ACIN1: variants seen among roughly 807,000 people sequenced by gnomAD.
ACIN1 encodes apoptotic chromatin condensation inducer in the nucleus.
In ACIN1, 16 loss-of-function variants were observed where a neutral mutation model predicts 146.6. The ratio of observed to expected loss-of-function variants is 0.11; its 90% CI spans 0.07 to 0.17. The LOEUF (loss-of-function observed/expected upper bound fraction) is 0.17, where lower values mean the gene tolerates loss of function less well. Among genes scored for constraint, ACIN1 ranks in the 10% least tolerant of loss-of-function variants. The probability of loss-of-function intolerance (pLI) is 1.00; values close to 1 mark genes in which losing one functional copy is unlikely to be tolerated. For synonymous variants in ACIN1, 569 were observed against 582.7 expected (o/e 0.98, Z 0.34); for missense variants, 1,357 against 1,609.3 (o/e 0.84, Z 2.68).
chr14:23,062,106 G>C (rs1337780047), intron 16 of ACIN1, 62 bp downstream of exon 16: 1 of 1,379,494 alleles, frequency 7.2e-7, no homozygotes, highest in African/African-American at 1.4e-5. Flanking sequence ...GATCTCAGCT[G>C]AAATCTAGCA....
intron 10 of ACIN1, among the ~76,000 whole-genome samples, chr14:23,065,122 A>T (rs1013756881): frequency 1.3e-5 from 2 of 152,194 alleles, no homozygotes; most frequent in African/African-American, 4.8e-5. Context: ...GGCAGAACTA[A>T]GATCATGATG....
chr14:23,094,893 G>C, intron 1 of ACIN1, 82 bp downstream of exon 1: 1 of 1,497,028 alleles, frequency 6.7e-7, no homozygotes, highest in South Asian at 1.3e-5. Context: ...GCCGAGCCCG[G>C]ATACTGCGCC....
chr14:23,080,176 C>T lies in ACIN1; in HGVS notation c.1159G>A (p.Ala387Thr), dbSNP rs1332446275. 1.2e-6 allele frequency: 2 copies of T among 1,614,138 alleles called. No homozygotes were observed. The highest frequency in any genetic ancestry group is 1.3e-5 in the African/African-American group (1 of 75,034). Reference protein sequence around the residue: ...EEEIEPMEGPAPAVLIQLSPP... With the variant: ...EEEIEPMEGPTPAVLIQLSPP... Reference sequence around the variant, plus strand: ...GATAACTGAATGAGGACAGCGGGGGCTGGGCCTTCCATGGGCTCTATTTCT... The same window carrying T: ...GATAACTGAATGAGGACAGCGGGGGTTGGGCCTTCCATGGGCTCTATTTCT... The change falls in exon 6 of 19, where the codon GCC becomes ACC. Residue 387 changes from alanine (A) to threonine (T), a missense_variant. Around this residue, in one of 4 missense-constraint regions of ACIN1, gnomAD observed 771 missense variants for 746.6 expected, o/e 1.03. Transcript: ENST00000605057.
At chr14:23,087,425 T>C (rs2048115807) in intron 4 of ACIN1, among the ~76,000 whole-genome samples, 1 of 151,474 alleles carries the variant, frequency 6.6e-6, no homozygotes, top group Non-Finnish European at 1.5e-5. Flanking sequence ...ATTCATATTT[T>C]CCAATTTATT....
chr14:23,064,640 T>C, intron 10 of ACIN1, 152 bp from the exon 11 acceptor site: 3 of 1,123,352 alleles, frequency 2.7e-6, no homozygotes, highest in African/African-American at 1.6e-5. Context: ...GGCTCACACC[T>C]GTAATCCCAG....
intron 18 of ACIN1, among the ~76,000 whole-genome samples, 180 bp from the exon 19 acceptor site, chr14:23,059,654 T>C (rs920191836): frequency 2.7e-3 from 142 of 52,632 alleles, no homozygotes; most frequent in African/African-American, 0.018. Flanking sequence ...AGTTTCAGCC[T>C]TTTTTTTTTT....
In ACIN1 at chr14:23,062,224, T is replaced by G. The variant is rs1299702397; in HGVS notation, c.3043A>C (p.Lys1015Gln). The G allele has an allele frequency of 1.2e-6, 2 of 1,614,116 alleles. No homozygotes were observed. Among genetic ancestry groups the G allele is most frequent in the Non-Finnish European group, 1.7e-6 (2 of 1,180,024 alleles). ...VATRTALHGV[K>Q]WPQSNPKFLC... ...AATTTGGGATTGGACTGGGGCCATT[T>G]GACCCCGTGCAGAGCTGTGCGGGTG... is the stretch of plus-strand genomic sequence containing the variant. The change falls in exon 16 of 19, where the codon AAA (lysine) becomes CAA (glutamine). Residue 1015 changes from lysine (K) to glutamine (Q), a missense_variant. Physicochemically the swap from Lys to Gln is moderately conservative, Grantham distance 53. Around this residue, in one of 4 missense-constraint regions of ACIN1, gnomAD observed 509 missense variants for 719.6 expected, o/e 0.71. Transcript: ENST00000605057.
At chr14:23,064,084 A>G (rs559108629) in intron 12 of ACIN1, 21 bp downstream of exon 12, 3 of 1,613,464 alleles carry the variant, frequency 1.9e-6, no homozygotes, top group East Asian at 2.2e-5. Context: ...TTCCCCTGAC[A>G]CTGGGGTGCA....
chr14:23,080,758 C>T lies in ACIN1; in HGVS notation c.577G>A (p.Asp193Asn). 1.2e-6 allele frequency: 2 copies of T among 1,613,038 alleles called. No individual in the cohort carries two copies. The change falls in exon 6 of 19, where the codon GAT becomes AAT. Residue 193 changes from aspartate (D) to asparagine (N), a missense_variant. By Grantham distance (23) the Asp-to-Asn change is conservative. Transcript: ENST00000605057. The part of the protein sequence containing the change: ...EGSQPAEEEE[D>N]QETPSRNLRV... ...AGGTTTCTGGAAGGTGTTTCTTGAT[C>T]CTCTTCCTCCTCAGCAGGTTGGCTG...
At chr14:23,063,231 G>A (rs2047343757) in intron 13 of ACIN1, 157 bp from the exon 14 acceptor site, 20 of 1,109,406 alleles carry the variant, frequency 1.8e-5, no homozygotes, top group Non-Finnish European at 2.6e-5. Context: ...ACTGTGCTAG[G>A]CTAACCTCCT....
chr14:23,064,815 A>G, intron 10 of ACIN1: 1 of 200,856 alleles, frequency 5.0e-6, no homozygotes, highest in Non-Finnish European at 1.0e-5. Flanking sequence ...AATTGCTTGA[A>G]CCCGGGAGGC....
intron 8 of ACIN1, among the ~76,000 whole-genome samples, chr14:23,070,854 T>G (rs2047620734): frequency 6.6e-6 from 1 of 152,090 alleles, no homozygotes; most frequent in Non-Finnish European, 1.5e-5. Context: ...AAATCGGAAC[T>G]GTGCCCCCAG....
chr14:23,066,883 G>T (rs1170007273), intron 9 of ACIN1, among the ~76,000 whole-genome samples: 1 of 152,146 alleles, frequency 6.6e-6, no homozygotes, highest in Non-Finnish European at 1.5e-5. Flanking sequence ...ACTATGGGGG[G>T]CGGGGGAGAA....
intron 4 of ACIN1, among the ~76,000 whole-genome samples, chr14:23,088,376 T>C (rs937367833): frequency 5.3e-5 from 8 of 152,184 alleles, no homozygotes; most frequent in Non-Finnish European, 1.0e-4. Flanking sequence ...GAAATGTCTT[T>C]CTGGGTCTAA....
intron 8 of ACIN1, among the ~76,000 whole-genome samples, chr14:23,073,188 T>C (rs1007567373): frequency 6.6e-6 from 1 of 152,246 alleles, no homozygotes; most frequent in African/African-American, 2.4e-5. Context: ...TATCACTCTG[T>C]ATAATAACTG....
chr14:23,059,044 G>C lies in ACIN1; in HGVS notation c.*104C>G. Reference sequence around the variant, plus strand: ...GTATGTATGTAGGGATAGGTGATGTGAAAGACCCTTGGCTCCAGGGTGGTG... The same window carrying C: ...GTATGTATGTAGGGATAGGTGATGTCAAAGACCCTTGGCTCCAGGGTGGTG... On this transcript the variant is annotated 3_prime_UTR_variant, in exon 19 of 19. Transcript: ENST00000605057. 8.9e-7 allele frequency: 1 copy of C among 1,121,020 alleles called. No individual in the cohort carries two copies. Among genetic ancestry groups the C allele is most frequent in the South Asian group, 1.4e-5 (1 of 71,348 alleles). The allele number at this position is 1,121,020 out of a possible 1,614,324, so 69.4% of individuals were successfully genotyped here. A position where few individuals can be genotyped will look rare whatever the true frequency, so the allele number is the denominator to read the frequency against.
chr14:23,059,573 C>G (rs2047200906), intron 18 of ACIN1, 99 bp from the exon 19 acceptor site: 1 of 886,560 alleles, frequency 1.1e-6, no homozygotes, highest in African/African-American at 1.6e-5. Context: ...GTCAGCTTTT[C>G]AGTTAAACAG....
At chr14:23,087,902 C>A (rs537785222) in intron 4 of ACIN1, among the ~76,000 whole-genome samples, 4 of 152,272 alleles carry the variant, frequency 2.6e-5, no homozygotes, top group South Asian at 4.1e-4. Context: ...CTAAAAATAT[C>A]TTCTTGTATC....
chr14:23,070,919 G>T (rs2047623848), intron 8 of ACIN1, among the ~76,000 whole-genome samples: 1 of 152,054 alleles, frequency 6.6e-6, no homozygotes, highest in Non-Finnish European at 1.5e-5. Flanking sequence ...TAGAGAAAAG[G>T]CTTATACAAA....
Sources: gnomAD v4.1 joint callset for allele counts (sites outside exome capture counted in the v4.1 genomes callset) on GRCh38, gnomAD v4.1.1 for gene constraint, gnomAD v4.1.1 regional missense constraint, MANE v1.5 for transcripts, NCBI Gene and HGNC (gene_info 2026-07-23, HGNC 2026-07-21) for gene names.